Variants in TBC1D19 observed in about 807,000 individuals in gnomAD.
TBC1D19 encodes TBC1 domain family, member 19.
A neutral mutation model predicts 89.0 loss-of-function variants in TBC1D19; 60 were observed. The ratio of observed to expected loss-of-function variants is 0.67; its 90% CI spans 0.55 to 0.84. TBC1D19 has a LOEUF of 0.84. TBC1D19 is among the 40% of genes least tolerant of loss of function. The pLI, the probability that TBC1D19 is intolerant of heterozygous loss-of-function variation, is 0.00. For synonymous variants in TBC1D19, 189 were observed against 199.7 expected, an observed-to-expected ratio of 0.95 and a Z score of 0.45; for missense variants, 500 against 610.8, an observed-to-expected ratio of 0.82 and a Z score of 1.91.
intron 13 of TBC1D19, among the ~76,000 whole-genome samples, chr4:26,701,221 CATTAT>C (rs1183391962): frequency 6.6e-6 from 1 of 152,086 alleles, no homozygotes; most frequent in Non-Finnish European, 1.5e-5. Context: ...TCAAAGCAGC[CATTAT>C]AAATATATTC....
rs1719191231 is a variant in TBC1D19, at chr4:26,755,050, C to A, written c.*103C>A. On this transcript the variant is annotated 3_prime_UTR_variant, in exon 21 of 21. Coordinates refer to ENST00000264866, the MANE Select transcript of TBC1D19 (RefSeq NM_018317.4). Reference sequence around the variant, plus strand: ...CCAAAATGAAACTTTGCATATAAGCCAATAAAGATCATGTTCCCTCTTCAG... The same window carrying A: ...CCAAAATGAAACTTTGCATATAAGCAAATAAAGATCATGTTCCCTCTTCAG... 2 of 990,726 alleles carry A rather than the reference C, an allele frequency of 2.0e-6. No homozygotes were observed. Among genetic ancestry groups the A allele is most frequent in the Non-Finnish European group, 2.9e-6 (2 of 686,540 alleles). 61.4% of individuals were successfully genotyped at this position (990,726 alleles called of 1,614,324 possible).
chr4:26,751,652 A>T (rs1718969354), intron 19 of TBC1D19, among the ~76,000 whole-genome samples: 1 of 152,178 alleles, frequency 6.6e-6, no homozygotes, highest in Non-Finnish European at 1.5e-5. Context: ...TACCATTCTC[A>T]TCTTTTTCTC....
downstream of TBC1D19, among the ~76,000 whole-genome samples, chr4:26,758,173 T>C (rs893334892): frequency 6.6e-5 from 10 of 152,194 alleles, no homozygotes; most frequent in African/African-American, 2.4e-4. Context: ...TGTTCATCAC[T>C]CATATGATGC....
At chr4:26,826,108 A>G in the TBC1D19 span, among the ~76,000 whole-genome samples, 2 of 152,240 alleles carry the variant, frequency 1.3e-5, no homozygotes, top group Non-Finnish European at 2.9e-5. Context: ...AGGCTGAGAC[A>G]GGAGAATTGC....
intron 13 of TBC1D19, among the ~76,000 whole-genome samples, chr4:26,706,609 G>A (rs898303794): frequency 6.6e-6 from 1 of 151,926 alleles, no homozygotes. Flanking sequence ...TCCAGTTCCT[G>A]AAGTTGCAAA....
the TBC1D19 span, among the ~76,000 whole-genome samples, chr4:26,849,127 G>T: frequency 4.6e-5 from 7 of 152,076 alleles, no homozygotes; most frequent in African/African-American, 1.7e-4. Context: ...AGTGAGCTGA[G>T]ACTGTGCCAC....
At position 26,638,675 on chromosome 4, in the gene TBC1D19, A is replaced by C. The variant is rs146299727; in HGVS notation, c.370-96A>C. The C allele has an allele frequency of 3.9e-4, 360 of 920,874 alleles. 2 individuals carry two copies. The African/African-American group carries it at 5.2e-3, about 13-fold the overall frequency. 57.0% of individuals were successfully genotyped at this position (920,874 alleles called of 1,614,324 possible). ...TGAAATTATACTGTTATGGTCATTT[A>C]TTTAGCTTTTAAATAAGTTATTGAT... On this transcript the variant is annotated intron_variant, in intron 5 of 20. Transcript: ENST00000264866.
At chr4:26,582,602 C>G (rs2109922641), upstream of TBC1D19, among the ~76,000 whole-genome samples, 1 of 152,244 alleles carries the variant, frequency 6.6e-6, no homozygotes, top group Non-Finnish European at 1.5e-5. Context: ...GATGGGTGGA[C>G]AGTTGAGATG....
At chr4:26,697,658 C>A (rs1714927003) in intron 13 of TBC1D19, among the ~76,000 whole-genome samples, 1 of 152,172 alleles carries the variant, frequency 6.6e-6, no homozygotes, top group Admixed American at 6.5e-5. Flanking sequence ...AAAAGTTTAT[C>A]CACCTTGATC....
At chr4:26,699,893 T>C (rs1178709351) in intron 13 of TBC1D19, among the ~76,000 whole-genome samples, 1 of 151,802 alleles carries the variant, frequency 6.6e-6, no homozygotes, top group Non-Finnish European at 1.5e-5. Flanking sequence ...GGGAAAGCAT[T>C]AGGAGATATA....
At chr4:26,760,111 C>T (rs1036774276), downstream of TBC1D19, among the ~76,000 whole-genome samples, 1 of 152,154 alleles carries the variant, frequency 6.6e-6, no homozygotes, top group African/African-American at 2.4e-5. Context: ...ATCCTTACTA[C>T]CAACACTTGG....
At chr4:26,831,609 C>T in the TBC1D19 span, among the ~76,000 whole-genome samples, 831 of 130,658 alleles carry the variant, frequency 6.4e-3, 8 homozygotes, top group African/African-American at 0.023. Flanking sequence ...TTTTTTGAGA[C>T]GGAGTCTCTG....
At chr4:26,833,832 C>T in the TBC1D19 span, among the ~76,000 whole-genome samples, 1 of 152,180 alleles carries the variant, frequency 6.6e-6, no homozygotes, top group Admixed American at 6.5e-5. Flanking sequence ...ACCAAGTAGG[C>T]TTTAGAGCTG....
Position 26,754,977 on chromosome 4 carries a change from AG to A in TBC1D19, c.*31del. 1 of 1,574,948 alleles carries A rather than the reference AG, an allele frequency of 6.3e-7. No individual in the cohort carries two copies. ...CTTCACAGTCACTGGCAACACATCT[AG>A]TTTTTCATTAGAAACAAATCATGAA... On this transcript the variant is annotated 3_prime_UTR_variant, in exon 21 of 21. Transcript: ENST00000264866.
chr4:26,633,744 C>T (rs1472232077), intron 4 of TBC1D19, among the ~76,000 whole-genome samples: 5 of 152,126 alleles, frequency 3.3e-5, no homozygotes, highest in African/African-American at 9.7e-5. Context: ...GCACTCTCTT[C>T]TGCATTAAAA....
chr4:26,577,282 CGTGTGTGTGTGTGTGTGTGCGTGTGT>C (rs1251700488), intron 1 of TBC1D19, among the ~76,000 whole-genome samples: 203 of 149,534 alleles, frequency 1.4e-3, no homozygotes, highest in Non-Finnish European at 2.5e-3. Flanking sequence ...TCTTCTCTCT[CGTGTGTGTGTGTGTGTGTGCGTGTGT>C]GTGTGTCTGT....
rs543232451 is a variant in TBC1D19, at chr4:26,655,439, C to T, written c.481-4158C>T. ...TTTAAGTCTGCAGAGGTTTCTGCTG[C>T]CTTTTGTTTGGCGATGCCCTGCCCG... On this transcript the variant is annotated intron_variant, in intron 7 of 20. Coordinates refer to ENST00000264866, the MANE Select transcript of TBC1D19 (RefSeq NM_018317.4). Among the ~76,000 whole-genome samples, 112 of 152,346 alleles carry T rather than the reference C, an allele frequency of 7.4e-4. 3 individuals carry two copies. The South Asian group carries it at 0.022, about 30-fold the overall frequency.
chr4:26,615,626 A>C (rs1741636333), intron 3 of TBC1D19, among the ~76,000 whole-genome samples: 2 of 152,150 alleles, frequency 1.3e-5, no homozygotes, highest in Admixed American at 1.3e-4. Flanking sequence ...ACCCCTATGC[A>C]CATGTGCTTT....
intron 7 of TBC1D19, among the ~76,000 whole-genome samples, chr4:26,650,735 A>G (rs893752872): frequency 1.3e-5 from 2 of 152,084 alleles, no homozygotes; most frequent in African/African-American, 4.8e-5. Flanking sequence ...CCATTTGTCA[A>G]TTTTGGCTTT....
Sources: gnomAD v4.1 joint callset for allele counts (sites outside exome capture counted in the v4.1 genomes callset) on GRCh38, gnomAD v4.1.1 for gene constraint, MANE v1.5 for transcripts, NCBI Gene and HGNC (gene_info 2026-07-23, HGNC 2026-07-21) for gene names.